Variants in NOTCH1 observed in about 807,000 individuals in gnomAD.
NOTCH1 encodes the protein neurogenic locus notch homolog protein 1.
NOTCH1 carries 37 observed loss-of-function variants against 254.8 expected under a neutral mutation model. The ratio of observed to expected loss-of-function variants is 0.15; its 90% CI spans 0.11 to 0.19. The LOEUF (loss-of-function observed/expected upper bound fraction) is 0.19. NOTCH1 is among the 10% of genes least tolerant of loss of function. The pLI is 1.00. For synonymous variants in NOTCH1, 1,731 were observed against 1,618.1 expected (o/e 1.07, Z -1.68); for missense variants, 2,972 against 3,708.6 (o/e 0.80, Z 5.16).
chr9:136,503,591 C>T (rs771113152), intron 26 of NOTCH1, among the ~76,000 whole-genome samples: 7 of 152,220 alleles, frequency 4.6e-5, no homozygotes, highest in Non-Finnish European at 8.8e-5. Flanking sequence ...CTGACACCCT[C>T]TCTGGCTCCT....
Position 136,505,910 on chromosome 9 carries a change from C to T in NOTCH1, c.4015-29G>A, listed in dbSNP as rs1164088572. 11 of 1,551,556 alleles carry T rather than the reference C, an allele frequency of 7.1e-6. 1 individual carries two copies. Among genetic ancestry groups the T allele is most frequent in the South Asian group, 3.5e-5 (3 of 85,902 alleles). On this transcript the variant is annotated intron_variant, in intron 24 of 33. Coordinates refer to ENST00000651671, the MANE Select transcript of NOTCH1 (RefSeq NM_017617.5). ...CCCGAGAGGGAAGACAGGACGGTGT[C>T]GGGGTGGGCCACCCCCCGCCCCCCC...
chr9:136,525,719 T>C (rs899311296), intron 2 of NOTCH1, among the ~76,000 whole-genome samples: 4 of 152,182 alleles, frequency 2.6e-5, no homozygotes, highest in African/African-American at 9.7e-5. Flanking sequence ...CAATCAAACC[T>C]GTGCTATGTG....
chr9:136,503,691 G>A (rs2133334423), intron 26 of NOTCH1, among the ~76,000 whole-genome samples: 1 of 152,352 alleles, frequency 6.6e-6, no homozygotes, highest in East Asian at 1.9e-4. Context: ...AGGCCCTGCA[G>A]GAAGCACAGG....
Position 136,518,237 on chromosome 9 carries a change from G to T in NOTCH1, c.1155C>A (p.Ser385=), listed in dbSNP as rs1039176070. The T allele has an allele frequency of 6.2e-7, 1 of 1,610,752 alleles. No individual in the cohort carries two copies. Among genetic ancestry groups the T allele is most frequent in the Non-Finnish European group, 8.5e-7 (1 of 1,179,068 alleles). The part of the protein sequence containing the change: ...ACISNPCNEG[S]NCDTNPVNGK... ...CATTGACAGGGTTGGTGTCGCAGTT[G>T]GAGCCCTCGTTACAGGGGTTGCTGA... Residue 385 remains serine (S), a synonymous_variant, in exon 7 of 34, where the codon TCC becomes TCA. Transcript: ENST00000651671.
At chr9:136,541,577 T>C (rs1265527035) in intron 2 of NOTCH1, among the ~76,000 whole-genome samples, 4 of 152,274 alleles carry the variant, frequency 2.6e-5, no homozygotes, top group Non-Finnish European at 5.9e-5. Flanking sequence ...CCAGGCCTCC[T>C]GCAGGTGCCC....
chr9:136,516,220 A>G, intron 9 of NOTCH1, 126 bp from the exon 10 acceptor site: 1 of 699,590 alleles, frequency 1.4e-6, no homozygotes, highest in East Asian at 2.7e-5. Flanking sequence ...GCCTGAGCTC[A>G]GCCAGCTCCA....
rs768014920 is a variant in NOTCH1, at chr9:136,544,117, G to A, written c.62-15C>T. 3.2e-6 allele frequency: 5 copies of A among 1,561,072 alleles called. No homozygotes were observed. The highest frequency in any genetic ancestry group is 1.2e-5 in the South Asian group (1 of 84,928). Reference sequence around the variant, plus strand: ...GCATCGCGGGCCTAGGCAGGGGCAGGAGAAGAGAGGTCAGTCTCACCCGCA... The same window carrying A: ...GCATCGCGGGCCTAGGCAGGGGCAGAAGAAGAGAGGTCAGTCTCACCCGCA... On this transcript the variant is annotated splice_polypyrimidine_tract_variant and intron_variant, in intron 1 of 33. Coordinates refer to ENST00000651671, the MANE Select transcript of NOTCH1 (RefSeq NM_017617.5).
Position 136,545,884 on chromosome 9 carries a change from G to T in NOTCH1, c.-98C>A. 2 of 553,444 alleles carry T rather than the reference G, an allele frequency of 3.6e-6. No individual in the cohort carries two copies. Among genetic ancestry groups the T allele is most frequent in the Non-Finnish European group, 4.9e-6 (2 of 406,536 alleles). The allele number at this position is 553,444 out of a possible 1,614,324, so 34.3% of individuals were successfully genotyped here. A position where few individuals can be genotyped will look rare whatever the true frequency, so the allele number is the denominator to read the frequency against. Reference sequence around the variant, plus strand: ...GCGCGGCGTACGGTCCCGGGGCGGCGGCGGACGGTCCCGCCCTCTCTTCCC... The same window carrying T: ...GCGCGGCGTACGGTCCCGGGGCGGCTGCGGACGGTCCCGCCCTCTCTTCCC... On this transcript the variant is annotated 5_prime_UTR_variant, in exon 1 of 34. Coordinates refer to ENST00000651671, the MANE Select transcript of NOTCH1 (RefSeq NM_017617.5). This position sits in a 1 kb window ranked among gnomAD's most constrained non-coding sequence, Gnocchi z 6.8.
intron 16 of NOTCH1, 71 bp downstream of exon 16, chr9:136,511,081 G>T: frequency 6.2e-7 from 1 of 1,608,288 alleles, no homozygotes. Flanking sequence ...TAGCCTGCCT[G>T]GGAGCTGCCT....
chr9:136,502,220 C>T, intron 28 of NOTCH1, 52 bp downstream of exon 28: 1 of 1,573,306 alleles, frequency 6.4e-7, no homozygotes. Flanking sequence ...GGATGCTCGG[C>T]CAGGTCCCAC....
In NOTCH1 at chr9:136,508,892, C is replaced by T. The variant is rs1272970231; in HGVS notation, c.3149G>A (p.Gly1050Asp). ...CGSYRCTCPQ[G>D]YTGPNCQNLV... ...CACCTGGCAGTTGGGGCCAGTGTAGCCCTGGGGGCAGGTGCACCTGTAGGA... is the reference window on the plus strand; with the variant it reads ...CACCTGGCAGTTGGGGCCAGTGTAGTCCTGGGGGCAGGTGCACCTGTAGGA... Residue 1050 changes from glycine to aspartate, a missense_variant, in exon 19 of 34, where the codon GGC becomes GAC. Gly to Asp is a moderately conservative substitution (Grantham distance 94). Coordinates refer to ENST00000651671, the MANE Select transcript of NOTCH1 (RefSeq NM_017617.5). 6.5e-7 allele frequency: 1 copy of T among 1,547,912 alleles called. No homozygotes were observed. Among genetic ancestry groups the T allele is most frequent in the East Asian group, 2.4e-5 (1 of 40,930 alleles).
chr9:136,499,020 T>C (rs2133322076), intron 32 of NOTCH1, 24 bp from the exon 33 acceptor site: 1 of 1,612,864 alleles, frequency 6.2e-7, no homozygotes, highest in Non-Finnish European at 8.5e-7. Flanking sequence ...GCAGATGGGG[T>C]AGGTTGGAGA....
At chr9:136,535,324 C>T (rs1408352750) in intron 2 of NOTCH1, among the ~76,000 whole-genome samples, 1 of 152,080 alleles carries the variant, frequency 6.6e-6, no homozygotes. Context: ...GGAGAGGGCC[C>T]TGTTTAACCG....
chr9:136,517,156 C>T (rs1843287770), intron 9 of NOTCH1, 116 bp downstream of exon 9: 6 of 688,056 alleles, frequency 8.7e-6, no homozygotes, highest in Admixed American at 6.9e-5. Flanking sequence ...GCCCTCACCC[C>T]TCAGGAGGCC....
chr9:136,539,378 G>A (rs1843699274), intron 2 of NOTCH1, among the ~76,000 whole-genome samples: 1 of 152,018 alleles, frequency 6.6e-6, no homozygotes, highest in Admixed American at 6.6e-5. Flanking sequence ...ACACTGTGTG[G>A]GGTTTTTTTT....
chr9:136,543,755 T>C lies in NOTCH1; in HGVS notation c.140+269A>G, dbSNP rs992030494. On this transcript the variant is annotated intron_variant, in intron 2 of 33. Coordinates refer to ENST00000651671, the MANE Select transcript of NOTCH1 (RefSeq NM_017617.5). ...GGGACTTAAAGAAGAATTGGGGTACTGGGACTCCCACTTAGTGACCCCGGA... is the reference window on the plus strand; with the variant it reads ...GGGACTTAAAGAAGAATTGGGGTACCGGGACTCCCACTTAGTGACCCCGGA... 3.2e-5 allele frequency: 19 copies of C among 587,168 alleles called. No homozygotes were observed. The East Asian group carries it at 3.4e-4, about 11-fold the overall frequency. 36.4% of individuals were successfully genotyped at this position (587,168 alleles called of 1,614,324 possible).
rs566631961 is a variant in NOTCH1, at chr9:136,523,305, A to G, written c.404-117T>C. 9,551 of 1,068,700 alleles carry G rather than the reference A, an allele frequency of 8.9e-3. 58 individuals are homozygous for G. Among genetic ancestry groups the G allele is most frequent in the Non-Finnish European group, 0.012 (8,411 of 722,082 alleles). The allele number at this position is 1,068,700 out of a possible 1,614,324, so 66.2% of individuals were successfully genotyped here. On this transcript the variant is annotated intron_variant, in intron 3 of 33. Transcript: ENST00000651671. ...TGGGCTCCACCTTAGGTGCTATCAC[A>G]TTTGATCCTCAGGACCTGCCGTGAG...
At chr9:136,519,923 C>T (rs1048008669) in intron 4 of NOTCH1, among the ~76,000 whole-genome samples, 1 of 152,238 alleles carries the variant, frequency 6.6e-6, no homozygotes. Context: ...CACACCCCAT[C>T]TTCAGGGGCT....
Position 136,513,138 on chromosome 9 carries a change from G to T in NOTCH1, c.2354-4C>A. The T allele has an allele frequency of 6.2e-7, 1 of 1,609,650 alleles. No individual in the cohort carries two copies. The highest frequency in any genetic ancestry group is 8.5e-7 in the Non-Finnish European group (1 of 1,177,050). On this transcript the variant is annotated splice_polypyrimidine_tract_variant and splice_region_variant and intron_variant, in intron 14 of 33. Coordinates refer to ENST00000651671, the MANE Select transcript of NOTCH1 (RefSeq NM_017617.5). This position sits in a 1 kb window ranked among gnomAD's most constrained non-coding sequence, Gnocchi z 4.7. The stretch of plus-strand genomic sequence containing the variant: ...ATGTTGGTCTGGCAGTTGGGACCTG[G>T]AGGGAAGGGGACAGCACTCGGCATG...
Sources: gnomAD v4.1 joint callset for allele counts (sites outside exome capture counted in the v4.1 genomes callset) on GRCh38, gnomAD v4.1.1 for gene constraint, Gnocchi (gnomAD v3.1) non-coding constraint, MANE v1.5 for transcripts, NCBI Gene and HGNC (gene_info 2026-07-23, HGNC 2026-07-21) for gene names.